Variants in CPNE8 observed in about 807,000 individuals in gnomAD.
The protein encoded by CPNE8 is copine 8.
Under a neutral mutation model 81.5 loss-of-function variants are expected in CPNE8, and 45 were observed. That is an observed-to-expected ratio of 0.55 (90% confidence interval 0.44 to 0.71). The LOEUF is 0.71. CPNE8 is among the 30% of genes least tolerant of loss of function. The pLI, the probability that CPNE8 is intolerant of heterozygous loss-of-function variation, is 0.00. For synonymous variants in CPNE8, 252 were observed against 226.3 expected, an observed-to-expected ratio of 1.11 and a Z score of -1.02; for missense variants, 594 against 672.1, an observed-to-expected ratio of 0.88 and a Z score of 1.28.
chr12:38,789,493 T>A (rs1039778802), intron 6 of CPNE8, among the ~76,000 whole-genome samples: 1 of 151,670 alleles, frequency 6.6e-6, no homozygotes, highest in Non-Finnish European at 1.5e-5. Flanking sequence ...ATTATGAAAC[T>A]ATGAAAAAAG....
chr12:38,738,596 G>C (rs954978952), intron 10 of CPNE8, among the ~76,000 whole-genome samples: 1 of 152,092 alleles, frequency 6.6e-6, no homozygotes, highest in African/African-American at 2.4e-5. Flanking sequence ...ATTTAAAGCT[G>C]ACAGTGTACT....
chr12:38,715,876 C>T lies in CPNE8; in HGVS notation c.914+7896G>A, dbSNP rs1174143418. Reference sequence around the variant, plus strand: ...CTGTTGCTGTTTGCCAGTGATATGACCGTATATCTAGAAATCCCTAAAAAC... The same window carrying T: ...CTGTTGCTGTTTGCCAGTGATATGATCGTATATCTAGAAATCCCTAAAAAC... On this transcript the variant is annotated intron_variant, in intron 13 of 19. Coordinates refer to ENST00000331366, the MANE Select transcript of CPNE8 (RefSeq NM_153634.3). 2.0e-5 allele frequency among the ~76,000 whole-genome samples: 3 copies of T among 151,880 alleles called. No individual in the cohort carries two copies. The South Asian group carries it at 6.2e-4, about 31-fold the overall frequency.
At chr12:38,740,182 T>C (rs1325117055) in intron 10 of CPNE8, among the ~76,000 whole-genome samples, 16 of 152,332 alleles carry the variant, frequency 1.1e-4, no homozygotes, top group South Asian at 6.2e-4. Context: ...AGTTCACTCA[T>C]GATTTGGCTC....
intron 13 of CPNE8, among the ~76,000 whole-genome samples, chr12:38,704,916 GT>G (rs71068574): frequency 0.36 from 34,431 of 94,754 alleles, 6,081 homozygotes; most frequent in Middle Eastern, 0.52. Flanking sequence ...AATTAGTTTA[GT>G]TTTTTTTTTT....
At chr12:38,703,457 C>T (rs940447519) in intron 13 of CPNE8, among the ~76,000 whole-genome samples, 5 of 152,076 alleles carry the variant, frequency 3.3e-5, no homozygotes, top group Non-Finnish European at 2.9e-5. Flanking sequence ...GAACACTCCA[C>T]GAAATAATAA....
chr12:38,858,010 C>A (rs1056574688), intron 3 of CPNE8, among the ~76,000 whole-genome samples: 1 of 152,220 alleles, frequency 6.6e-6, no homozygotes, highest in Non-Finnish European at 1.5e-5. Context: ...CAAGTACATT[C>A]TCTCTCTGAA....
intron 11 of CPNE8, chr12:38,726,607 T>C (rs1289096998): frequency 1.3e-5 from 2 of 152,272 alleles, no homozygotes. Context: ...GAACAATATA[T>C]AGGAAATCAA....
chr12:38,870,517 T>C (rs1353588674), intron 3 of CPNE8, among the ~76,000 whole-genome samples: 1 of 152,114 alleles, frequency 6.6e-6, no homozygotes, highest in Admixed American at 6.5e-5. Context: ...TTGGAAACCA[T>C]CATTCTCAGC....
At chr12:38,717,012 A>C (rs1386143021) in intron 13 of CPNE8, among the ~76,000 whole-genome samples, 1 of 152,120 alleles carries the variant, frequency 6.6e-6, no homozygotes, top group African/African-American at 2.4e-5. Flanking sequence ...TAAGATATCC[A>C]AACAGCCAAC....
intron 1 of CPNE8, among the ~76,000 whole-genome samples, chr12:38,904,338 T>C (rs1259043308): frequency 6.6e-6 from 1 of 152,142 alleles, no homozygotes; most frequent in Non-Finnish European, 1.5e-5. Context: ...GCACCATCGC[T>C]CATCTCCTTC....
Position 38,848,672 on chromosome 12 carries a change from G to A in CPNE8, c.187-10C>T. On this transcript the variant is annotated splice_polypyrimidine_tract_variant and intron_variant, in intron 3 of 19. Coordinates refer to ENST00000331366, the MANE Select transcript of CPNE8 (RefSeq NM_153634.3). ...CTTCAGTTCTTCCAAACTGTGGAAA[G>A]AGAGAGAGAATTTAAAATTAAACCT... 2.5e-6 allele frequency: 4 copies of A among 1,574,140 alleles called. No individual in the cohort carries two copies. Among genetic ancestry groups the A allele is most frequent in the Admixed American group, 2.0e-5 (1 of 50,502 alleles).
chr12:38,832,114 C>CCA (rs944974598), intron 5 of CPNE8, among the ~76,000 whole-genome samples: 58 of 152,026 alleles, frequency 3.8e-4, no homozygotes, highest in Non-Finnish European at 2.2e-4. Context: ...GTATCAAAGG[C>CCA]CACACACACA....
intron 6 of CPNE8, among the ~76,000 whole-genome samples, chr12:38,811,968 T>A (rs1263233816): frequency 5.3e-5 from 8 of 152,194 alleles, no homozygotes; most frequent in Non-Finnish European, 1.0e-4. Context: ...CTAGAGAGTC[T>A]CTTGGGAAGA....
chr12:38,795,794 T>C (rs761201893), intron 6 of CPNE8, among the ~76,000 whole-genome samples: 2 of 152,010 alleles, frequency 1.3e-5, no homozygotes, highest in African/African-American at 2.4e-5. Flanking sequence ...ATCTGTCTCA[T>C]GGCAATGTGA....
intron 5 of CPNE8, among the ~76,000 whole-genome samples, chr12:38,835,435 A>C (rs1943363673): frequency 6.6e-6 from 1 of 152,128 alleles, no homozygotes; most frequent in Admixed American, 6.5e-5. Flanking sequence ...TATCTTAATC[A>C]CTTATTGTAT....
At chr12:38,878,043 G>A (rs1472832261) in intron 1 of CPNE8, among the ~76,000 whole-genome samples, 5 of 151,974 alleles carry the variant, frequency 3.3e-5, no homozygotes, top group African/African-American at 4.8e-5. Flanking sequence ...ACTCCCACCC[G>A]GGCCATGACA....
intron 6 of CPNE8, among the ~76,000 whole-genome samples, chr12:38,816,855 CA>C (rs1468062092): frequency 6.6e-6 from 1 of 152,110 alleles, no homozygotes; most frequent in Non-Finnish European, 1.5e-5. Context: ...TGGGAGGGTC[CA>C]ATCACTATTG....
At chr12:38,788,934 G>C (rs1942262653) in intron 6 of CPNE8, among the ~76,000 whole-genome samples, 1 of 151,656 alleles carries the variant, frequency 6.6e-6, no homozygotes. Context: ...ATAGAACACT[G>C]ATGAAAGATA....
chr12:38,687,443 C>A (rs753998174), intron 15 of CPNE8, among the ~76,000 whole-genome samples: 20 of 143,582 alleles, frequency 1.4e-4, no homozygotes, highest in Admixed American at 3.7e-4. Flanking sequence ...GTGTAATGGC[C>A]GGATCTCGGT....
Sources: allele counts gnomAD v4.1 joint callset (sites outside exome capture counted in the v4.1 genomes callset), GRCh38; gene constraint gnomAD v4.1.1; transcripts MANE v1.5; gene names NCBI Gene and HGNC (gene_info 2026-07-23, HGNC 2026-07-21).